Variants in FAM135B observed in about 807,000 individuals in gnomAD.
The protein encoded by FAM135B is family with sequence similarity 135 member B, also known as protein FAM135B.
FAM135B carries 43 observed loss-of-function variants against 127.7 expected under a neutral mutation model. The observed-to-expected ratio is 0.34, with a 90% CI of 0.26 to 0.43. FAM135B has a LOEUF of 0.43. Among genes scored for constraint, FAM135B ranks in the 20% least tolerant of loss-of-function variants. The pLI is 1.00. For missense variants in FAM135B, 1,558 were observed against 1,725.6 expected (o/e 0.90, Z 1.72); for synonymous variants, 670 against 665.1 (o/e 1.01, Z -0.11).
At chr8:138,423,107 G>T (rs1186561605) in intron 1 of FAM135B, among the ~76,000 whole-genome samples, 1 of 152,126 alleles carries the variant, frequency 6.6e-6, no homozygotes. Context: ...AGACACCAGG[G>T]CTTACATGAG....
At chr8:138,162,939 A>C (rs17655198) in intron 12 of FAM135B, among the ~76,000 whole-genome samples, 1 of 152,118 alleles carries the variant, frequency 6.6e-6, no homozygotes, top group Non-Finnish European at 1.5e-5. Flanking sequence ...TATCAGATTC[A>C]TCACAGACAG....
intron 3 of FAM135B, among the ~76,000 whole-genome samples, chr8:138,299,718 G>A (rs544724892): frequency 1.3e-5 from 2 of 152,098 alleles, no homozygotes; most frequent in African/African-American, 2.4e-5. Flanking sequence ...GAAAATGTCA[G>A]TGCATTTGCA....
At chr8:138,467,471 A>G (rs953214929) in intron 1 of FAM135B, among the ~76,000 whole-genome samples, 10 of 152,226 alleles carry the variant, frequency 6.6e-5, no homozygotes, top group Non-Finnish European at 1.0e-4. Flanking sequence ...CACATGTGGC[A>G]ACTGGTTACC....
intron 4 of FAM135B, 61 bp from the exon 5 acceptor site, chr8:138,256,820 T>C (rs1023443449): frequency 2.0e-5 from 25 of 1,267,218 alleles, no homozygotes; most frequent in South Asian, 1.6e-4. Flanking sequence ...ATGAAATACT[T>C]AGCTGGTCTA....
chr8:138,265,551 T>C (rs964341486), intron 4 of FAM135B, 152 bp downstream of exon 4: 1 of 780,300 alleles, frequency 1.3e-6, no homozygotes, highest in South Asian at 1.9e-5. Context: ...AACGAATACA[T>C]AAATAAGTGC....
At chr8:138,195,734 A>G (rs1224346364) in intron 8 of FAM135B, among the ~76,000 whole-genome samples, 2 of 152,206 alleles carry the variant, frequency 1.3e-5, no homozygotes, top group African/African-American at 4.8e-5. Context: ...TACAGATAAA[A>G]TATCAGAAGC....
rs558080272 is a variant in FAM135B at position 138,189,480 on chromosome 8, G to A, written c.873+5778C>T. Among the ~76,000 whole-genome samples, 8 of 152,324 alleles carry A rather than the reference G, an allele frequency of 5.3e-5. No homozygotes were observed. In the South Asian group the frequency reaches 1.7e-3, roughly 32 times the overall value. On this transcript the variant is annotated intron_variant, in intron 9 of 19. Transcript: ENST00000395297. ...TTGGCGGAAAGCAACCACCTCATGC[G>A]AAAAAGTGTTAACTGAGCTGTTAAC...
chr8:138,390,274 G>A (rs964862793), intron 1 of FAM135B, among the ~76,000 whole-genome samples: 10 of 152,156 alleles, frequency 6.6e-5, no homozygotes, highest in Non-Finnish European at 1.5e-4. Flanking sequence ...CTGGTGGGAG[G>A]TTCACATGAA....
intron 7 of FAM135B, among the ~76,000 whole-genome samples, chr8:138,213,702 G>A (rs1166539706): frequency 6.6e-6 from 1 of 152,010 alleles, no homozygotes; most frequent in Non-Finnish European, 1.5e-5. Context: ...TGATGCAAGA[G>A]GTAAAAATAA....
chr8:138,298,246 G>A lies in FAM135B; in HGVS notation c.157+12595C>T, dbSNP rs138296188. ...GTAACATTATTATTAAATTCAAGAG[G>A]AGATGCAGACGAAAAATAACTAAGC... On this transcript the variant is annotated intron_variant, in intron 3 of 19. Coordinates refer to ENST00000395297, the MANE Select transcript of FAM135B (RefSeq NM_015912.4). 9.4e-3 allele frequency among the ~76,000 whole-genome samples: 1,427 copies of A among 152,158 alleles called. 10 individuals are homozygous for A. Among genetic ancestry groups the A allele is most frequent in the Non-Finnish European group, 0.014 (954 of 68,012 alleles).
intron 9 of FAM135B, among the ~76,000 whole-genome samples, chr8:138,190,125 CCTTT>C (rs941634900): frequency 2.0e-5 from 3 of 152,180 alleles, no homozygotes; most frequent in African/African-American, 7.2e-5. Context: ...AATAAACCTG[CCTTT>C]CTTTACCTAT....
At chr8:138,461,196 C>T (rs1158180977) in intron 1 of FAM135B, among the ~76,000 whole-genome samples, 3 of 152,118 alleles carry the variant, frequency 2.0e-5, no homozygotes, top group Non-Finnish European at 4.4e-5. Flanking sequence ...TGACAGCAGT[C>T]CTGGCTCACA....
intron 8 of FAM135B, among the ~76,000 whole-genome samples, chr8:138,196,124 T>C (rs2131121928): frequency 6.6e-6 from 1 of 152,326 alleles, no homozygotes; most frequent in East Asian, 1.9e-4. Flanking sequence ...TGACACATAG[T>C]ACATGTCCAG....
chr8:138,486,353 G>C (rs961516832), intron 1 of FAM135B, among the ~76,000 whole-genome samples: 14 of 152,080 alleles, frequency 9.2e-5, no homozygotes, highest in African/African-American at 3.4e-4. Flanking sequence ...ATGAGCCCTG[G>C]GGAATGTGTG....
intron 2 of FAM135B, among the ~76,000 whole-genome samples, chr8:138,364,857 T>C (rs373887978): frequency 5.9e-5 from 9 of 152,172 alleles, no homozygotes; most frequent in Admixed American, 6.6e-5. Flanking sequence ...ACATTTTGGG[T>C]TTTTTTCTGA....
chr8:138,333,935 G>C (rs10105117), intron 2 of FAM135B, among the ~76,000 whole-genome samples: 3 of 151,790 alleles, frequency 2.0e-5, no homozygotes, highest in East Asian at 3.9e-4. Context: ...TTGAGGGGAG[G>C]GGGGAACGGA....
At chr8:138,384,254 C>T (rs956994573) in intron 1 of FAM135B, among the ~76,000 whole-genome samples, 9 of 152,196 alleles carry the variant, frequency 5.9e-5, no homozygotes, top group Non-Finnish European at 1.2e-4. Flanking sequence ...TGACTGAACC[C>T]ATCAAGGGTG....
chr8:138,141,428 G>A lies in FAM135B; in HGVS notation c.3639-79C>T, dbSNP rs1817137403. On this transcript the variant is annotated intron_variant, in intron 16 of 19. Transcript: ENST00000395297. The surrounding 1 kb of genome is among the most constrained non-coding windows in gnomAD (Gnocchi z 4.7). The stretch of plus-strand genomic sequence containing the variant: ...AAGAGTGCAGTGCTGGAAGCATCAG[G>A]GGCCATTGTTCTCCACCTCCCACTG... 1.4e-6 allele frequency: 2 copies of A among 1,438,414 alleles called. No homozygotes were observed. The highest frequency in any genetic ancestry group is 2.4e-5 in the South Asian group (2 of 82,146). 89.1% of individuals were successfully genotyped at this position (1,438,414 alleles called of 1,614,324 possible).
intron 9 of FAM135B, among the ~76,000 whole-genome samples, chr8:138,181,652 T>C (rs1214163924): frequency 1.3e-5 from 2 of 152,058 alleles, no homozygotes; most frequent in African/African-American, 4.8e-5. Context: ...GTCTGTCCTC[T>C]ACCAGGTAAC....
Sources: allele counts gnomAD v4.1 joint callset (sites outside exome capture counted in the v4.1 genomes callset), GRCh38; gene constraint gnomAD v4.1.1; non-coding constraint Gnocchi (gnomAD v3.1); transcripts MANE v1.5; gene names NCBI Gene and HGNC (gene_info 2026-07-23, HGNC 2026-07-21).